Variants in EGFLAM observed in about 807,000 individuals in gnomAD.
EGFLAM encodes the protein EGF like, fibronectin type III and laminin G domains, also known as pikachurin.
A neutral mutation model predicts 113.1 loss-of-function variants in EGFLAM; 79 were observed. That is an observed-to-expected ratio of 0.70 (90% CI 0.58 to 0.84). The LOEUF (loss-of-function observed/expected upper bound fraction) is 0.84. Among genes scored for constraint, EGFLAM ranks in the 40% least tolerant of loss-of-function variants. EGFLAM has a pLI of 0.00. For synonymous variants in EGFLAM, 504 were observed against 487.6 expected (o/e 1.03, Z -0.44); for missense variants, 1,265 against 1,291.6 (o/e 0.98, Z 0.32).
At position 38,286,986 on chromosome 5, in the gene EGFLAM, T is replaced by C. The variant is rs146831448; in HGVS notation, c.97+28135T>C. Among the ~76,000 whole-genome samples, 61 of 152,310 alleles carry C rather than the reference T, an allele frequency of 4.0e-4. No individual in the cohort carries two copies. The East Asian group carries it at 0.011, about 28-fold the overall frequency. On this transcript the variant is annotated intron_variant, in intron 1 of 21. Transcript: ENST00000322350. The stretch of plus-strand genomic sequence containing the variant: ...GATATATTAAATGGTATTCATCAAC[T>C]TCAGACAAGAGGGCCTATGAGGGCA...
intron 2 of EGFLAM, 32 bp downstream of exon 2, chr5:38,337,661 G>A: frequency 1.3e-6 from 2 of 1,545,610 alleles, no homozygotes; most frequent in South Asian, 2.4e-5. Context: ...TTTCCTCGGT[G>A]GGTGTGTCGT....
At chr5:38,278,392 C>T (rs1447045940) in intron 1 of EGFLAM, among the ~76,000 whole-genome samples, 3 of 152,046 alleles carry the variant, frequency 2.0e-5, no homozygotes, top group Admixed American at 6.6e-5. Context: ...CAAAAATCAA[C>T]TCAAACTGGA....
At chr5:38,260,507 A>G (rs1033917524) in intron 1 of EGFLAM, among the ~76,000 whole-genome samples, 1 of 152,118 alleles carries the variant, frequency 6.6e-6, no homozygotes, top group Non-Finnish European at 1.5e-5. Flanking sequence ...TGGTTCATTC[A>G]GGGTCTCATT....
At chr5:38,367,220 C>T (rs1311099892) in intron 5 of EGFLAM, among the ~76,000 whole-genome samples, 2 of 151,370 alleles carry the variant, frequency 1.3e-5, no homozygotes, top group Non-Finnish European at 2.9e-5. Context: ...AATCATAGCT[C>T]GCAGCAGCCT....
intron 11 of EGFLAM, 31 bp downstream of exon 11, chr5:38,412,679 C>T: frequency 8.7e-6 from 14 of 1,607,350 alleles, no homozygotes; most frequent in Non-Finnish European, 1.2e-5. Context: ...CTGCCCACCC[C>T]ACATACCACC....
chr5:38,456,783 G>C (rs1743102016), intron 19 of EGFLAM, among the ~76,000 whole-genome samples: 1 of 152,096 alleles, frequency 6.6e-6, no homozygotes, highest in South Asian at 2.1e-4. Context: ...CTCTCTCTTG[G>C]GCAATGAGGT....
In EGFLAM at chr5:38,341,304, G is replaced by A. The variant is rs149524759; in HGVS notation, c.291+2523G>A. Among the ~76,000 whole-genome samples the A allele has an allele frequency of 2.0e-3, 298 of 152,330 alleles. 1 individual carries two copies. Among genetic ancestry groups the A allele is most frequent in the African/African-American group, 6.7e-3 (278 of 41,578 alleles). On this transcript the variant is annotated intron_variant, in intron 3 of 21. Coordinates refer to ENST00000322350, the MANE Select transcript of EGFLAM (RefSeq NM_152403.4). ...CATGGCTGGGGAGGCCTCAGGAGAC[G>A]TACAACCATGGCGGAAGGCACCTCT...
At position 38,320,572 on chromosome 5, in the gene EGFLAM, T is replaced by C. The variant is rs369468683; in HGVS notation, c.98-16948T>C. Among the ~76,000 whole-genome samples the C allele has an allele frequency of 1.8e-4, 28 of 152,262 alleles. 2 individuals carry two copies. In the East Asian group the frequency reaches 3.9e-3, roughly 21 times the overall value. ...TCTCCTTGAGGTGGGAGGATGTGTG[T>C]GTTGTGCGTATGCCTGTGTATATGT... On this transcript the variant is annotated intron_variant, in intron 1 of 21. Transcript: ENST00000322350.
At chr5:38,336,259 TATA>T (rs1302343732) in intron 1 of EGFLAM, among the ~76,000 whole-genome samples, 1 of 152,146 alleles carries the variant, frequency 6.6e-6, no homozygotes, top group Non-Finnish European at 1.5e-5. Context: ...AATCACTATA[TATA>T]ACAAAACAAT....
chr5:38,315,192 A>G (rs1005465783), intron 1 of EGFLAM, among the ~76,000 whole-genome samples: 3 of 152,160 alleles, frequency 2.0e-5, no homozygotes, highest in African/African-American at 7.2e-5. Context: ...GTGACTTTGC[A>G]TATCTCAAAT....
At chr5:38,290,952 GCA>G (rs1758312964) in intron 1 of EGFLAM, 1 of 152,360 alleles carries the variant, frequency 6.6e-6, no homozygotes, top group African/African-American at 2.4e-5. Flanking sequence ...CGTGGTGGCG[GCA>G]GTCGCCTGTA....
At chr5:38,347,554 G>C (rs1739505785) in intron 3 of EGFLAM, among the ~76,000 whole-genome samples, 1 of 152,086 alleles carries the variant, frequency 6.6e-6, no homozygotes, top group Admixed American at 6.5e-5. Flanking sequence ...AATGAGTAGG[G>C]GTGAGCCAGG....
intron 1 of EGFLAM, among the ~76,000 whole-genome samples, chr5:38,271,142 T>C (rs1343264705): frequency 7.0e-6 from 1 of 142,910 alleles, no homozygotes; most frequent in Non-Finnish European, 1.6e-5. Context: ...TTTTGGACTT[T>C]GTACAAAATC....
intron 1 of EGFLAM, among the ~76,000 whole-genome samples, chr5:38,274,082 T>A (rs1579711987): frequency 6.6e-6 from 1 of 152,060 alleles, no homozygotes; most frequent in Middle Eastern, 3.4e-3. Context: ...GAAAAATATA[T>A]CAACAGCAAA....
At chr5:38,427,449 G>A (rs1309131545) in intron 14 of EGFLAM, 197 bp downstream of exon 14, 2 of 803,970 alleles carry the variant, frequency 2.5e-6, no homozygotes, top group African/African-American at 1.7e-5. Flanking sequence ...CTGCCCACAA[G>A]GCTTCCTTTT....
intron 6 of EGFLAM, among the ~76,000 whole-genome samples, chr5:38,395,757 C>T (rs139351173): frequency 6.6e-5 from 10 of 152,282 alleles, no homozygotes; most frequent in African/African-American, 2.2e-4. Context: ...CTCTCTTTGC[C>T]ATCTCACTCT....
intron 5 of EGFLAM, among the ~76,000 whole-genome samples, chr5:38,359,398 C>T (rs1233454339): frequency 3.9e-5 from 6 of 152,126 alleles, no homozygotes; most frequent in Middle Eastern, 3.2e-3. Context: ...CACCATTGGC[C>T]GCGCGCAGTG....
At chr5:38,318,603 G>T (rs916962451) in intron 1 of EGFLAM, among the ~76,000 whole-genome samples, 17 of 151,958 alleles carry the variant, frequency 1.1e-4, no homozygotes, top group African/African-American at 4.1e-4. Context: ...CACCTCCCAG[G>T]TTCAAGCGAT....
chr5:38,370,849 G>T (rs1740194457), intron 6 of EGFLAM, among the ~76,000 whole-genome samples: 1 of 152,168 alleles, frequency 6.6e-6, no homozygotes, highest in South Asian at 2.1e-4. Flanking sequence ...CAGCGTTCGT[G>T]TTCGCCTGAA....
Sources: gnomAD v4.1 joint callset for allele counts (sites outside exome capture counted in the v4.1 genomes callset) on GRCh38, gnomAD v4.1.1 for gene constraint, MANE v1.5 for transcripts, NCBI Gene and HGNC (gene_info 2026-07-23, HGNC 2026-07-21) for gene names.